LMBR1L: variants seen among roughly 807,000 people sequenced by gnomAD.
LMBR1L encodes protein LMBR1L.
LMBR1L carries 47 observed loss-of-function variants against 67.3 expected under a neutral mutation model. That is an observed-to-expected ratio of 0.70 (90% CI 0.55 to 0.89). The LOEUF (loss-of-function observed/expected upper bound fraction) is 0.89. LMBR1L is among the 40% of genes least tolerant of loss of function. The pLI is 0.00. For missense variants in LMBR1L, 533 were observed against 599.2 expected (o/e 0.89, Z 1.15); for synonymous variants, 247 against 250.3 (o/e 0.99, Z 0.13).
intron 15 of LMBR1L, among the ~76,000 whole-genome samples, chr12:49,099,384 A>G (rs1159002960): frequency 1.3e-5 from 2 of 151,796 alleles, no homozygotes; most frequent in African/African-American, 4.8e-5. Context: ...CCTGGCCTCA[A>G]GCTGATCTGT....
At chr12:49,108,623 A>T (rs1247138503) in intron 1 of LMBR1L, among the ~76,000 whole-genome samples, 1 of 150,382 alleles carries the variant, frequency 6.6e-6, no homozygotes, top group Non-Finnish European at 1.5e-5. Context: ...AATCCCAGCT[A>T]CTCGGGAGGC....
chr12:49,101,627 G>T (rs141481915), intron 11 of LMBR1L, 78 bp from the exon 12 acceptor site: 2 of 1,040,834 alleles, frequency 1.9e-6, no homozygotes, highest in African/African-American at 3.2e-5. Flanking sequence ...GGCAGACTCT[G>T]GTCCAACATT....
At chr12:49,101,693 C>A in intron 11 of LMBR1L, 144 bp from the exon 12 acceptor site, 1 of 625,204 alleles carries the variant, frequency 1.6e-6, no homozygotes, top group South Asian at 2.0e-5. Flanking sequence ...CTCATCAAGG[C>A]TGCTATTAGC....
intron 15 of LMBR1L, among the ~76,000 whole-genome samples, chr12:49,098,997 T>C (rs2120888685): frequency 6.6e-6 from 1 of 150,572 alleles, no homozygotes; most frequent in East Asian, 1.9e-4. Context: ...TTTTTTTTGG[T>C]AGAGATGGGG....
chr12:49,105,828 G>A, intron 3 of LMBR1L, 96 bp downstream of exon 3: 2 of 1,010,690 alleles, frequency 2.0e-6, no homozygotes, highest in South Asian at 1.5e-5. Flanking sequence ...TCTCTTCACT[G>A]TGTGAGACTT....
Position 49,102,860 on chromosome 12 carries a change from G to C in LMBR1L, c.696+27C>G, listed in dbSNP as rs753281293. 1.9e-6 allele frequency: 3 copies of C among 1,607,412 alleles called. No individual in the cohort carries two copies. The South Asian group carries it at 3.3e-5, about 18-fold the overall frequency. On this transcript the variant is annotated intron_variant, in intron 8 of 16. Transcript: ENST00000267102. Reference sequence around the variant, plus strand: ...GCTCTGCAGGAAGCTCACCCTGCAGGATCAAAGAGCAAGGAATACCACATA... The same window carrying C: ...GCTCTGCAGGAAGCTCACCCTGCAGCATCAAAGAGCAAGGAATACCACATA...
chr12:49,099,503 T>C (rs1306584028), intron 15 of LMBR1L, among the ~76,000 whole-genome samples: 1 of 151,894 alleles, frequency 6.6e-6, no homozygotes, highest in African/African-American at 2.4e-5. Flanking sequence ...TGATGTGGTA[T>C]TTAGGGGGAG....
Position 49,097,734 on chromosome 12 carries a change from C to A in LMBR1L, c.1408G>T (p.Asp470Tyr), listed in dbSNP as rs779213151. The change falls in exon 17 of 17, where the codon GAC becomes TAC. Residue 470 changes from aspartate (D) to tyrosine (Y), a missense_variant. Around this residue, in one of 3 missense-constraint regions of LMBR1L, gnomAD observed 223 missense variants for 241.2 expected, o/e 0.92. Coordinates refer to ENST00000267102, the MANE Select transcript of LMBR1L (RefSeq NM_018113.4). ...CCGGAGACGGGCAGCGGCAGTCTGT[C>A]CAGCCCTGGAGAAGAGGAGATGGGC... ...RAELIRAFGL[D>Y]RLPLPVSGFP... The A allele has an allele frequency of 6.2e-7, 1 of 1,613,880 alleles. No homozygotes were observed. The highest frequency in any genetic ancestry group is 1.3e-5 in the African/African-American group (1 of 74,898).
chr12:49,103,649 GA>G (rs756075131), intron 6 of LMBR1L, 37 bp downstream of exon 6: 9 of 1,583,376 alleles, frequency 5.7e-6, no homozygotes, highest in South Asian at 1.2e-5. Context: ...TGGGCCAACT[GA>G]AAAGCCATGC....
intron 1 of LMBR1L, among the ~76,000 whole-genome samples, chr12:49,108,591 G>A (rs1009251985): frequency 2.7e-5 from 4 of 147,174 alleles, no homozygotes; most frequent in Admixed American, 6.8e-5. Context: ...AAAAAAGGCC[G>A]TGTGTGGTGG....
intron 7 of LMBR1L, 67 bp from the exon 8 acceptor site, chr12:49,103,018 T>C: frequency 6.2e-7 from 1 of 1,603,618 alleles, no homozygotes; most frequent in Non-Finnish European, 8.5e-7. Context: ...ATGCCCCCCA[T>C]TCCCTTTCCT....
chr12:49,105,057 G>C, intron 3 of LMBR1L, 172 bp from the exon 4 acceptor site: 1 of 667,510 alleles, frequency 1.5e-6, no homozygotes. Flanking sequence ...CCCCACCCTA[G>C]CTCTTTACCT....
chr12:49,103,518 A>G (rs966752942), intron 6 of LMBR1L, among the ~76,000 whole-genome samples, 169 bp downstream of exon 6: 10 of 152,232 alleles, frequency 6.6e-5, no homozygotes, highest in South Asian at 4.1e-4. Flanking sequence ...CATGGGCCCA[A>G]TGAAACATTT....
chr12:49,104,855 A>G lies in LMBR1L; in HGVS notation c.222T>C (p.Ile74=). ...GCAGGAGCAGGACAGCACCCAGGGC[A>G]ATTGCCAGGGTAAAGGTGCACAGCT... ...ALELCTFTLA[I]ALGAVLLLPF... The change falls in exon 4 of 17, where the codon ATT becomes ATC. Residue 74 remains isoleucine, a synonymous_variant. Coordinates refer to ENST00000267102, the MANE Select transcript of LMBR1L (RefSeq NM_018113.4). The G allele has an allele frequency of 6.2e-7, 1 of 1,613,390 alleles. No homozygotes were observed. Among genetic ancestry groups the G allele is most frequent in the Non-Finnish European group, 8.5e-7 (1 of 1,179,736 alleles).
rs373615407 is a variant in LMBR1L at position 49,100,569 on chromosome 12, G to C, written c.1160C>G (p.Thr387Ser). The change falls in exon 14 of 17, where the codon ACT becomes AGT. Residue 387 changes from threonine (T) to serine (S), a missense_variant. Thr to Ser is a moderately conservative substitution (Grantham distance 58, BLOSUM62 1). Coordinates refer to ENST00000267102, the MANE Select transcript of LMBR1L (RefSeq NM_018113.4). ...CCTCCCAGCTACCTGCGTCATGGCA[G>C]TGTCGTGCCATCTGGGCCGCAGGCT... ...FRSLRPRWHD[T>S]AMTQIIGNCV... The C allele has an allele frequency of 3.7e-6, 6 of 1,613,878 alleles. No individual in the cohort carries two copies. In the African/African-American group the frequency reaches 6.7e-5, roughly 18 times the overall value.
At chr12:49,099,416 TGA>T (rs1187078963) in intron 15 of LMBR1L, among the ~76,000 whole-genome samples, 2 of 150,718 alleles carry the variant, frequency 1.3e-5, no homozygotes, top group Non-Finnish European at 3.0e-5. Flanking sequence ...TCCCAAAGTG[TGA>T]GATTACAGAC....
In LMBR1L at chr12:49,100,601, G is replaced by C; in HGVS notation, c.1128C>G (p.Leu376=). The change falls in exon 14 of 17, where the codon CTC becomes CTG. Residue 376 remains leucine (L), a synonymous_variant. Coordinates refer to ENST00000267102, the MANE Select transcript of LMBR1L (RefSeq NM_018113.4). ...GCCATCTGGGCCGCAGGCTCCGGAA[G>C]AGTGGAGAGCTATAGAAGCCCACAA... The part of the protein sequence containing the change: ...SSVVGFYSSP[L]FRSLRPRWHD... 1 of 1,614,208 alleles carries C rather than the reference G, an allele frequency of 6.2e-7. No individual in the cohort carries two copies. Among genetic ancestry groups the C allele is most frequent in the Non-Finnish European group, 8.5e-7 (1 of 1,180,020 alleles).
chr12:49,107,703 GGCTGGACT>G (rs1386029539), intron 1 of LMBR1L, among the ~76,000 whole-genome samples: 4 of 152,192 alleles, frequency 2.6e-5, no homozygotes, highest in Non-Finnish European at 5.9e-5. Context: ...TTCTAGAGCT[GGCTGGACT>G]GCCAAGTGAC....
intron 1 of LMBR1L, 155 bp from the exon 2 acceptor site, chr12:49,107,200 C>A: frequency 1.7e-6 from 1 of 590,090 alleles, no homozygotes; most frequent in Non-Finnish European, 3.0e-6. Flanking sequence ...TTCTGATCCC[C>A]CAGGTACTTC....
Sources: allele counts gnomAD v4.1 joint callset (sites outside exome capture counted in the v4.1 genomes callset), GRCh38; gene constraint gnomAD v4.1.1; regional missense constraint gnomAD v4.1.1; transcripts MANE v1.5; gene names NCBI Gene and HGNC (gene_info 2026-07-23, HGNC 2026-07-21).